Variants in NELL1 observed in about 807,000 individuals in gnomAD.
NELL1 encodes the protein protein kinase C-binding protein NELL1.
NELL1 carries 76 observed loss-of-function variants against 107.4 expected under a neutral mutation model. That is an observed-to-expected ratio of 0.71 (90% CI 0.59 to 0.86). NELL1 has a LOEUF of 0.86. Among genes scored for constraint, NELL1 ranks in the 40% least tolerant of loss-of-function variants. The pLI is 0.00. For missense variants in NELL1, 1,024 were observed against 1,005.5 expected, an observed-to-expected ratio of 1.02 and a Z score of -0.25; for synonymous variants, 353 against 341.2, an observed-to-expected ratio of 1.03 and a Z score of -0.38.
At chr11:20,961,882 T>C (rs746571237) in intron 12 of NELL1, among the ~76,000 whole-genome samples, 1 of 152,128 alleles carries the variant, frequency 6.6e-6, no homozygotes, top group Non-Finnish European at 1.5e-5. Context: ...CTGCTTAACT[T>C]TTTGGCTTTG....
chr11:21,363,112 A>G (rs552209734), intron 14 of NELL1, among the ~76,000 whole-genome samples: 1 of 152,194 alleles, frequency 6.6e-6, no homozygotes, highest in East Asian at 1.9e-4. Flanking sequence ...GACTTCACTC[A>G]AGAAAATTTG....
chr11:20,672,534 C>A (rs914544274), intron 1 of NELL1, among the ~76,000 whole-genome samples: 10 of 152,192 alleles, frequency 6.6e-5, no homozygotes, highest in African/African-American at 2.2e-4. Flanking sequence ...TTTTAGAGTG[C>A]AAAGTGGAGT....
intron 15 of NELL1, among the ~76,000 whole-genome samples, chr11:21,463,900 A>G (rs953234173): frequency 5.9e-5 from 9 of 152,072 alleles, no homozygotes; most frequent in Non-Finnish European, 1.2e-4. Context: ...GAATCCTCGG[A>G]AGACTTTTTT....
intron 4 of NELL1, among the ~76,000 whole-genome samples, chr11:20,852,250 G>C (rs1767279514): frequency 6.6e-6 from 1 of 152,134 alleles, no homozygotes; most frequent in Non-Finnish European, 1.5e-5. Flanking sequence ...CAAGTGATTA[G>C]TCTAGACTAG....
At position 20,960,447 on chromosome 11, in the gene NELL1, C is replaced by G; in HGVS notation, c.1187C>G (p.Ala396Gly). 1 of 1,613,676 alleles carries G rather than the reference C, an allele frequency of 6.2e-7. No individual in the cohort carries two copies. The highest frequency in any genetic ancestry group is 8.5e-7 in the Non-Finnish European group (1 of 1,179,740). Residue 396 changes from alanine (A) to glycine (G), a missense_variant, in exon 12 of 20, where the codon GCA (alanine) becomes GGA (glycine). By Grantham distance (60) the Ala-to-Gly change is moderately conservative. Transcript: ENST00000357134. ...TTTTTTCTAGGTCATAACTTTTGTG[C>G]AGAAGGACCTAAATGTGGTGAAAAC... ...CRVCRGHNFC[A>G]EGPKCGENSE...
At chr11:21,261,368 G>T (rs1051263083) in intron 14 of NELL1, among the ~76,000 whole-genome samples, 2 of 151,396 alleles carry the variant, frequency 1.3e-5, no homozygotes, top group Admixed American at 6.6e-5. Flanking sequence ...CCTTTGAAAG[G>T]CTCCAGTGTG....
At chr11:21,400,540 A>G (rs1167024602) in intron 15 of NELL1, among the ~76,000 whole-genome samples, 2 of 151,818 alleles carry the variant, frequency 1.3e-5, no homozygotes, top group African/African-American at 4.8e-5. Context: ...ACCATCTTGT[A>G]TATTCACGTT....
intron 3 of NELL1, among the ~76,000 whole-genome samples, chr11:20,785,519 G>A (rs545589452): frequency 6.6e-6 from 1 of 152,358 alleles, no homozygotes; most frequent in Admixed American, 6.5e-5. Flanking sequence ...TTTGGTATGA[G>A]GGTTATACAA....
intron 12 of NELL1, among the ~76,000 whole-genome samples, chr11:20,983,175 C>G (rs1280580455): frequency 3.3e-5 from 5 of 152,132 alleles, no homozygotes; most frequent in Non-Finnish European, 7.3e-5. Context: ...CAATAGCATT[C>G]TAAACTTAAT....
chr11:21,435,796 TTG>T (rs146985457), intron 15 of NELL1, among the ~76,000 whole-genome samples: 3 of 151,214 alleles, frequency 2.0e-5, no homozygotes, highest in South Asian at 4.2e-4. Context: ...GTGTGTGTGT[TTG>T]TGTGTGTGTG....
intron 12 of NELL1, among the ~76,000 whole-genome samples, chr11:21,017,770 TTC>T (rs1431734779): frequency 6.6e-6 from 1 of 152,126 alleles, no homozygotes; most frequent in Non-Finnish European, 1.5e-5. Flanking sequence ...GGAATACTAT[TTC>T]TAAATGCAAA....
chr11:21,505,587 T>C (rs1480632902), intron 15 of NELL1, among the ~76,000 whole-genome samples: 1 of 152,200 alleles, frequency 6.6e-6, no homozygotes, highest in African/African-American at 2.4e-5. Flanking sequence ...TATTTTATCC[T>C]GCATCAAGGT....
At chr11:21,196,588 CCTCT>C (rs1349124135) in intron 13 of NELL1, among the ~76,000 whole-genome samples, 3 of 152,086 alleles carry the variant, frequency 2.0e-5, no homozygotes, top group Non-Finnish European at 2.9e-5. Flanking sequence ...CTTCCCCAGG[CCTCT>C]CTATCTATTT....
intron 2 of NELL1, among the ~76,000 whole-genome samples, chr11:20,743,278 G>C (rs978098718): frequency 6.6e-6 from 1 of 151,842 alleles, no homozygotes; most frequent in African/African-American, 2.4e-5. Flanking sequence ...CCTTGAACCC[G>C]GGGGGTGGTG....
At chr11:20,985,115 A>T (rs190744146) in intron 12 of NELL1, among the ~76,000 whole-genome samples, 1 of 152,126 alleles carries the variant, frequency 6.6e-6, no homozygotes, top group Non-Finnish European at 1.5e-5. Flanking sequence ...CTGTTGTTAG[A>T]TATATCTCGC....
At chr11:21,116,785 G>T (rs1416224811) in intron 13 of NELL1, among the ~76,000 whole-genome samples, 6 of 151,836 alleles carry the variant, frequency 4.0e-5, no homozygotes, top group African/African-American at 1.4e-4. Flanking sequence ...CATCTTAGTG[G>T]ACTTCAGCCA....
At chr11:20,896,355 C>T (rs940579527) in intron 5 of NELL1, among the ~76,000 whole-genome samples, 7 of 152,226 alleles carry the variant, frequency 4.6e-5, no homozygotes, top group African/African-American at 1.7e-4. Context: ...ATATACATGC[C>T]ACAATTTCTT....
intron 2 of NELL1, among the ~76,000 whole-genome samples, chr11:20,714,428 A>T (rs1855190874): frequency 6.6e-6 from 1 of 151,678 alleles, no homozygotes; most frequent in South Asian, 2.1e-4. Context: ...GGCTGGTCTC[A>T]AACTCCTGAC....
At chr11:20,984,182 G>A (rs1851805272) in intron 12 of NELL1, among the ~76,000 whole-genome samples, 1 of 151,958 alleles carries the variant, frequency 6.6e-6, no homozygotes, top group Admixed American at 6.6e-5. Flanking sequence ...ATATTTGTTT[G>A]TAGGATTTCT....
Sources: gnomAD v4.1 joint callset for allele counts (sites outside exome capture counted in the v4.1 genomes callset) on GRCh38, gnomAD v4.1.1 for gene constraint, MANE v1.5 for transcripts, NCBI Gene and HGNC (gene_info 2026-07-23, HGNC 2026-07-21) for gene names.